The following BRAF variants were observed in gnomAD, a reference collection of about 807,000 sequenced individuals.
BRAF encodes serine/threonine-protein kinase B-raf.
A neutral mutation model predicts 104.6 loss-of-function variants in BRAF; 16 were observed. The ratio of observed to expected loss-of-function variants is 0.15; its 90% CI spans 0.10 to 0.23. The LOEUF is 0.23. BRAF is among the 10% of genes least tolerant of loss of function. The pLI is 1.00. For synonymous variants in BRAF, 310 were observed against 341.6 expected, an observed-to-expected ratio of 0.91 and a Z score of 1.02; for missense variants, 541 against 937.3, an observed-to-expected ratio of 0.58 and a Z score of 5.52.
chr7:140,776,840 A>C, intron 14 of BRAF, 72 bp downstream of exon 13: 1 of 1,447,644 alleles, frequency 6.9e-7, no homozygotes, highest in South Asian at 1.1e-5. Context: ...AAAGAATAGC[A>C]GCCAAAACCT....
intron 14 of BRAF, among the ~76,000 whole-genome samples, chr7:140,769,253 T>G (rs1003721239): frequency 6.6e-6 from 1 of 152,152 alleles, no homozygotes; most frequent in Non-Finnish European, 1.5e-5. Context: ...ATTTTTTGTA[T>G]TTTTAGTAGA....
intron 1 of BRAF, among the ~76,000 whole-genome samples, chr7:140,923,625 G>A (rs538916708): frequency 1.9e-3 from 284 of 152,328 alleles, no homozygotes; most frequent in Middle Eastern, 6.8e-3. Context: ...AGTGCCAGTA[G>A]TGCAAGCGCG....
intron 17 of BRAF, among the ~76,000 whole-genome samples, chr7:140,747,202 G>C (rs1318420824): frequency 6.6e-6 from 1 of 152,134 alleles, no homozygotes; most frequent in South Asian, 2.1e-4. Context: ...ACTATTTGAC[G>C]TAAGTAGACT....
rs1795340573 is a variant in BRAF at position 140,721,840 on chromosome 7, G to C, written c.*4654C>G. The C allele has an allele frequency of 5.2e-6, 7 of 1,343,518 alleles. No individual in the cohort carries two copies. The highest frequency in any genetic ancestry group is 5.7e-6 in the Non-Finnish European group (6 of 1,050,218). 83.2% of individuals were successfully genotyped at this position (1,343,518 alleles called of 1,614,324 possible). ...AGGATGCCTTGAGACCTCCACCCTGGCCCCCACAGCGCTTTGGGACAGGAT... is the reference window on the plus strand; with the variant it reads ...AGGATGCCTTGAGACCTCCACCCTGCCCCCCACAGCGCTTTGGGACAGGAT... On this transcript the variant is annotated 3_prime_UTR_variant, in exon 20 of 20. Coordinates refer to ENST00000644969, the MANE Select transcript of BRAF (RefSeq NM_001374258.1).
intron 1 of BRAF, among the ~76,000 whole-genome samples, chr7:140,923,237 G>A (rs1818417257): frequency 6.6e-6 from 1 of 152,036 alleles, no homozygotes; most frequent in African/African-American, 2.4e-5. Flanking sequence ...TGAGAATTGA[G>A]AAATTAGATG....
Position 140,720,503 on chromosome 7 carries a change from A to G in BRAF, c.*5991T>C. The stretch of plus-strand genomic sequence containing the variant: ...TTGATATAGCTGGTTTTAATCAGCT[A>G]TGGAACATACACAAATGTATTAGGA... On this transcript the variant is annotated 3_prime_UTR_variant, in exon 20 of 20. Transcript: ENST00000644969. 1 of 1,064,630 alleles carries G rather than the reference A, an allele frequency of 9.4e-7. No individual in the cohort carries two copies. Among genetic ancestry groups the G allele is most frequent in the South Asian group, 4.6e-5 (1 of 21,970 alleles). 65.9% of individuals were successfully genotyped at this position (1,064,630 alleles called of 1,614,324 possible). A position where few individuals can be genotyped will look rare whatever the true frequency, so the allele number is the denominator to read the frequency against.
chr7:140,842,053 T>C (rs1298602577), intron 2 of BRAF, among the ~76,000 whole-genome samples: 1 of 152,194 alleles, frequency 6.6e-6, no homozygotes, highest in African/African-American at 2.4e-5. Context: ...AATGGACTGT[T>C]CTGCATTCCA....
At chr7:140,777,123 T>C (rs1411896088) in intron 13 of BRAF, 35 bp from the exon 13 acceptor site, 1 of 1,605,508 alleles carries the variant, frequency 6.2e-7, no homozygotes, top group Non-Finnish European at 8.5e-7. Flanking sequence ...ACATTAAATG[T>C]CGACAAACTT....
intron 3 of BRAF, among the ~76,000 whole-genome samples, chr7:140,811,712 A>T (rs996866087): frequency 2.0e-5 from 3 of 152,194 alleles, no homozygotes; most frequent in Non-Finnish European, 4.4e-5. Flanking sequence ...TGGTGCAAGC[A>T]CACTTTTAAG....
intron 14 of BRAF, among the ~76,000 whole-genome samples, chr7:140,763,140 G>A (rs1798924639): frequency 6.6e-6 from 1 of 152,210 alleles, no homozygotes; most frequent in South Asian, 2.1e-4. Flanking sequence ...CCCAGACGGG[G>A]TGGTGGCCGG....
At chr7:140,729,882 G>A (rs919834358) in intron 19 of BRAF, among the ~76,000 whole-genome samples, 7 of 152,002 alleles carry the variant, frequency 4.6e-5, no homozygotes, top group African/African-American at 1.5e-4. Flanking sequence ...CCAAACAACC[G>A]CACAAAGAAC....
At chr7:140,849,855 A>AATTCAG (rs1470644259) in intron 2 of BRAF, among the ~76,000 whole-genome samples, 2 of 152,042 alleles carry the variant, frequency 1.3e-5, no homozygotes, top group Non-Finnish European at 2.9e-5. Flanking sequence ...ATAAAAATTT[A>AATTCAG]ATTCAGAGTA....
At chr7:140,872,054 A>C (rs929798195) in intron 1 of BRAF, among the ~76,000 whole-genome samples, 2 of 152,022 alleles carry the variant, frequency 1.3e-5, no homozygotes, top group African/African-American at 4.8e-5. Context: ...CGTTTCCACT[A>C]AAAGTACAAA....
intron 5 of BRAF, among the ~76,000 whole-genome samples, chr7:140,802,964 C>T (rs565103853): frequency 1.3e-4 from 20 of 152,162 alleles, no homozygotes; most frequent in Non-Finnish European, 2.8e-4. Context: ...TATTAGGTAT[C>T]CTACACAGGT....
chr7:140,764,144 T>C (rs1799067826), intron 14 of BRAF, among the ~76,000 whole-genome samples: 1 of 152,030 alleles, frequency 6.6e-6, no homozygotes, highest in Non-Finnish European at 1.5e-5. Context: ...TGGTTCAACA[T>C]ACGCAAATCA....
At chr7:140,800,020 G>A (rs1802921034) in intron 7 of BRAF, 1 of 402,480 alleles carries the variant, frequency 2.5e-6, no homozygotes, top group Non-Finnish European at 4.6e-6. Context: ...TAAGTTATTT[G>A]GGGAAAAGAT....
At position 140,720,414 on chromosome 7, in the gene BRAF, T is replaced by C. The variant is rs1795265193; in HGVS notation, c.*6080A>G. On this transcript the variant is annotated 3_prime_UTR_variant, in exon 20 of 20. Coordinates refer to ENST00000644969, the MANE Select transcript of BRAF (RefSeq NM_001374258.1). Reference sequence around the variant, plus strand: ...TATGTAAACTAACATAACATGAAGATAAATAAGACATAAAGGCTAGCCACT... The same window carrying C: ...TATGTAAACTAACATAACATGAAGACAAATAAGACATAAAGGCTAGCCACT... 9.4e-7 allele frequency: 1 copy of C among 1,062,196 alleles called. No homozygotes were observed. Among genetic ancestry groups the C allele is most frequent in the African/African-American group, 1.6e-5 (1 of 60,904 alleles). 65.8% of individuals were successfully genotyped at this position (1,062,196 alleles called of 1,614,324 possible). A position where few individuals can be genotyped will look rare whatever the true frequency, so the allele number is the denominator to read the frequency against.
chr7:140,924,667 C>T lies in BRAF; in HGVS notation c.37G>A (p.Glu13Lys), dbSNP rs1563042573. 7.6e-7 allele frequency: 1 copy of T among 1,323,306 alleles called. No homozygotes were observed. The highest frequency in any genetic ancestry group is 1.0e-6 in the Non-Finnish European group (1 of 965,442). 82.0% of individuals were successfully genotyped at this position (1,323,306 alleles called of 1,614,324 possible). A position where few individuals can be genotyped will look rare whatever the true frequency, so the allele number is the denominator to read the frequency against. Residue 13 changes from glutamate (E) to lysine (K), a missense_variant, in exon 1 of 20, where the codon GAG (glutamate) becomes AAG (lysine). By Grantham distance (56) the Glu-to-Lys change is moderately conservative. This residue lies in a region of BRAF where 82 missense variants were observed against 65.9 expected (regional missense o/e 1.24). Transcript: ENST00000644969. The surrounding 1 kb of genome is among the most constrained non-coding windows in gnomAD (Gnocchi z 4.2). ...CCGTTGAACAGAGCCTGGCCCGGCTCCGCGCCGCCACCACCGCCACCGCTC... is the reference window on the plus strand; with the variant it reads ...CCGTTGAACAGAGCCTGGCCCGGCTTCGCGCCGCCACCACCGCCACCGCTC... ...ALSGGGGGGA[E>K]PGQALFNGDM... is the part of the protein sequence containing the mutation.
intron 19 of BRAF, chr7:140,731,427 T>C (rs1210367422): frequency 6.6e-6 from 1 of 152,202 alleles, no homozygotes; most frequent in African/African-American, 2.4e-5. Context: ...GTAAAAAGTT[T>C]TACAGAAATG....
Sources: gnomAD v4.1 joint callset for allele counts (sites outside exome capture counted in the v4.1 genomes callset) on GRCh38, gnomAD v4.1.1 for gene constraint, gnomAD v4.1.1 regional missense constraint, Gnocchi (gnomAD v3.1) non-coding constraint, MANE v1.5 for transcripts, NCBI Gene and HGNC (gene_info 2026-07-23, HGNC 2026-07-21) for gene names.